Variants in FGD5 observed in about 807,000 individuals in gnomAD.
FGD5 encodes FYVE, RhoGEF and PH domain-containing protein 5.
In FGD5, 28 loss-of-function variants were observed where a neutral mutation model predicts 133.4. The observed-to-expected ratio is 0.21, with a 90% CI of 0.16 to 0.29. The LOEUF (loss-of-function observed/expected upper bound fraction) is 0.29, where lower values mean the gene tolerates loss of function less well. Ranked by LOEUF, FGD5 falls within the 10% of genes least tolerant of loss-of-function variation. FGD5 has a pLI of 1.00. For synonymous variants in FGD5, 810 were observed against 776.5 expected (o/e 1.04, Z -0.72); for missense variants, 1,858 against 1,895.2 (o/e 0.98, Z 0.36).
At chr3:14,817,438 T>G (rs2036387950), upstream of FGD5, among the ~76,000 whole-genome samples, 1 of 152,174 alleles carries the variant, frequency 6.6e-6, no homozygotes, top group African/African-American at 2.4e-5. Flanking sequence ...TCAAGTGATC[T>G]GCCCACCTTA....
At position 14,933,141 on chromosome 3, in the gene FGD5, G is replaced by A. The variant is rs1265717144; in HGVS notation, c.4363G>A (p.Ala1455Thr). 1 of 1,613,474 alleles carries A rather than the reference G, an allele frequency of 6.2e-7. No individual in the cohort carries two copies. Among genetic ancestry groups the A allele is most frequent in the Non-Finnish European group, 8.5e-7 (1 of 1,179,774 alleles). Residue 1455 changes from alanine (A) to threonine (T), a missense_variant, in exon 20 of 20, where the codon GCC (alanine) becomes ACC (threonine). Coordinates refer to ENST00000285046, the MANE Select transcript of FGD5 (RefSeq NM_152536.4). ...DTNSAQRWIE[A>T]MEDASVL is the part of the protein sequence containing the mutation. ...TGTTTTGTTTTATAGGTGGATCGAG[G>A]CCATGGAAGATGCGAGTGTGTTATA...
At chr3:14,901,719 T>C (rs1361649522) in intron 9 of FGD5, among the ~76,000 whole-genome samples, 1 of 152,172 alleles carries the variant, frequency 6.6e-6, no homozygotes, top group Non-Finnish European at 1.5e-5. Flanking sequence ...ATGATGGCCA[T>C]GTGTGCCGAG....
intron 1 of FGD5, among the ~76,000 whole-genome samples, chr3:14,861,130 C>T (rs1475605232): frequency 6.6e-6 from 1 of 152,108 alleles, no homozygotes; most frequent in Non-Finnish European, 1.5e-5. Context: ...GATAGAACAG[C>T]TGGAGGCAGC....
chr3:14,886,941 A>G (rs1046811327), intron 4 of FGD5, among the ~76,000 whole-genome samples: 1 of 152,200 alleles, frequency 6.6e-6, no homozygotes, highest in African/African-American at 2.4e-5. Context: ...AATGTATTTT[A>G]TGGCCCAGCA....
chr3:14,912,616 C>T (rs548468534), intron 11 of FGD5, among the ~76,000 whole-genome samples: 4 of 152,220 alleles, frequency 2.6e-5, no homozygotes, highest in African/African-American at 4.8e-5. Flanking sequence ...CATTCTGCAG[C>T]TTATTATCCA....
Position 14,917,401 on chromosome 3 carries a change from T to TC in FGD5, c.3489+71dup. 1 of 1,431,832 alleles carries TC rather than the reference T, an allele frequency of 7.0e-7. No homozygotes were observed. 88.7% of individuals were successfully genotyped at this position (1,431,832 alleles called of 1,614,324 possible). On this transcript the variant is annotated intron_variant, in intron 12 of 19. Coordinates refer to ENST00000285046, the MANE Select transcript of FGD5 (RefSeq NM_152536.4). The surrounding 1 kb of genome is among the most constrained non-coding windows in gnomAD (Gnocchi z 4.1). ...GACCCCAGGGGAGAAGGGGACAGCA[T>TC]CCTGCTCCCAGGAGCACCCAGACCA...
intron 2 of FGD5, among the ~76,000 whole-genome samples, chr3:14,879,493 G>C (rs537585393): frequency 4.3e-4 from 66 of 152,332 alleles, no homozygotes; most frequent in African/African-American, 1.6e-3. Flanking sequence ...AGATCATATA[G>C]GTGTGGAAGC....
chr3:14,922,226 A>G lies in FGD5; in HGVS notation c.3670-185A>G, dbSNP rs1445197842. ...CCAGCACCCACAGTCTTGTTCTCACAGTCTGGCTGTTTCCCAACCAAGGGT... is the reference window on the plus strand; with the variant it reads ...CCAGCACCCACAGTCTTGTTCTCACGGTCTGGCTGTTTCCCAACCAAGGGT... On this transcript the variant is annotated intron_variant, in intron 14 of 19. Transcript: ENST00000285046. The surrounding 1 kb of genome is among the most constrained non-coding windows in gnomAD (Gnocchi z 4.1). 7.8e-6 allele frequency: 8 copies of G among 1,030,644 alleles called. No individual in the cohort carries two copies. The highest frequency in any genetic ancestry group is 1.6e-5 in the African/African-American group (1 of 62,906). 63.8% of individuals were successfully genotyped at this position (1,030,644 alleles called of 1,614,324 possible).
rs1352771077 is a variant in FGD5, at chr3:14,820,782, T to A, written c.1711T>A (p.Leu571Met). The A allele has an allele frequency of 6.2e-7, 1 of 1,613,518 alleles. No individual in the cohort carries two copies. Among genetic ancestry groups the A allele is most frequent in the Non-Finnish European group, 8.5e-7 (1 of 1,179,770 alleles). The change falls in exon 1 of 20, where the codon TTG (leucine) becomes ATG (methionine). Residue 571 changes from leucine to methionine, a missense_variant. Leu to Met is a conservative substitution (Grantham distance 15). This residue lies in a region of FGD5 where 1,824 missense variants were observed against 1,848.9 expected (regional missense o/e 0.99). Transcript: ENST00000285046. The part of the protein sequence containing the change: ...SVYQEPEGSG[L>M]DDHRIKRKED... ...GTACCAGGAGCCTGAGGGGTCAGGG[T>A]TGGATGACCACAGGATAAAGAGGAA...
intron 11 of FGD5, among the ~76,000 whole-genome samples, chr3:14,915,698 C>T (rs142188220): frequency 0.039 from 5,888 of 152,110 alleles, 144 homozygotes; most frequent in Middle Eastern, 0.079. Context: ...ATGTTGGCAT[C>T]GTGTGTACAG....
intron 4 of FGD5, among the ~76,000 whole-genome samples, chr3:14,889,268 C>T (rs190506118): frequency 1.3e-3 from 194 of 152,290 alleles, no homozygotes; most frequent in Middle Eastern, 0.01. Context: ...TCCTGTCATA[C>T]CCTCCCAAAG....
intron 11 of FGD5, 62 bp downstream of exon 11, chr3:14,910,991 C>A (rs2038437879): frequency 6.0e-6 from 9 of 1,507,632 alleles, no homozygotes; most frequent in Middle Eastern, 1.7e-4. Context: ...TTTTCTAGGG[C>A]CATTATTCAA....
chr3:14,842,788 T>A (rs1262868925), intron 1 of FGD5, among the ~76,000 whole-genome samples: 1 of 152,214 alleles, frequency 6.6e-6, no homozygotes, highest in Non-Finnish European at 1.5e-5. Flanking sequence ...AGCAGGGACT[T>A]GTCTCTCTCC....
chr3:14,885,630 C>G (rs2125122115), intron 4 of FGD5, among the ~76,000 whole-genome samples: 1 of 152,318 alleles, frequency 6.6e-6, no homozygotes, highest in South Asian at 2.1e-4. Flanking sequence ...TGTGGCCACT[C>G]CATGTGGTCT....
In FGD5 at chr3:14,819,746, C is replaced by A; in HGVS notation, c.675C>A (p.Asp225Glu). 1 of 1,537,778 alleles carries A rather than the reference C, an allele frequency of 6.5e-7. No individual in the cohort carries two copies. ...ATGAGGAAGGCTGTGCCAGCACAGA[C>A]CCAGCAGGGGCAGATGAGGGTTCGG... ...EDDEEGCAST[D>E]PAGADEGSGP... The change falls in exon 1 of 20, where the codon GAC becomes GAA. Residue 225 changes from aspartate (D) to glutamate (E), a missense_variant. By Grantham distance (45) the Asp-to-Glu change is conservative. Transcript: ENST00000285046. This position sits in a 1 kb window ranked among gnomAD's most constrained non-coding sequence, Gnocchi z 4.1.
rs1470471375 is a variant in FGD5 at position 14,876,077 on chromosome 3, G to A, written c.2659-4495G>A. On this transcript the variant is annotated intron_variant, in intron 2 of 19. Transcript: ENST00000285046. ...TGTACGCAGAGAGGGGAGGCGACGAGATAGGCATCTTGAGGTTGTTCCTTC... is the reference window on the plus strand; with the variant it reads ...TGTACGCAGAGAGGGGAGGCGACGAAATAGGCATCTTGAGGTTGTTCCTTC... Among the ~76,000 whole-genome samples, 3 of 152,196 alleles carry A rather than the reference G, an allele frequency of 2.0e-5. No homozygotes were observed. The East Asian group carries it at 5.8e-4, about 29-fold the overall frequency.
chr3:14,844,517 A>C (rs1007084163), intron 1 of FGD5, among the ~76,000 whole-genome samples: 1 of 151,548 alleles, frequency 6.6e-6, no homozygotes, highest in Non-Finnish European at 1.5e-5. Flanking sequence ...GACCCGACTG[A>C]CACTGCTGTG....
Position 14,819,103 on chromosome 3 carries a change from C to T in FGD5, c.32C>T (p.Pro11Leu). The T allele has an allele frequency of 6.5e-7, 1 of 1,550,254 alleles. No homozygotes were observed. The highest frequency in any genetic ancestry group is 8.7e-7 in the Non-Finnish European group (1 of 1,146,996). Reference protein sequence around the residue: MFRGPKPPIAPKPRLTAPNEW... With the variant: MFRGPKPPIALKPRLTAPNEW... ...AGGGGTCCGAAGCCCCCCATTGCCCCCAAGCCCAGGCTGACTGCCCCAAAC... is the reference window on the plus strand; with the variant it reads ...AGGGGTCCGAAGCCCCCCATTGCCCTCAAGCCCAGGCTGACTGCCCCAAAC... Residue 11 changes from proline (P) to leucine (L), a missense_variant, in exon 1 of 20, where the codon CCC (proline) becomes CTC (leucine). Physicochemically the swap from Pro to Leu is moderately conservative, Grantham distance 98. Coordinates refer to ENST00000285046, the MANE Select transcript of FGD5 (RefSeq NM_152536.4). The surrounding 1 kb of genome is among the most constrained non-coding windows in gnomAD (Gnocchi z 4.1).
In FGD5 at chr3:14,819,269, C is replaced by G; in HGVS notation, c.198C>G (p.Ile66Met). The G allele has an allele frequency of 6.5e-7, 1 of 1,533,838 alleles. No homozygotes were observed. Among genetic ancestry groups the G allele is most frequent in the Non-Finnish European group, 8.8e-7 (1 of 1,138,214 alleles). ...CSESETDEDY[I>M]VVPRVPLRED... ...AGTCGGAGACCGACGAGGATTACATCGTGGTCCCCAGGGTTCCGCTGAGGG... is the reference window on the plus strand; with the variant it reads ...AGTCGGAGACCGACGAGGATTACATGGTGGTCCCCAGGGTTCCGCTGAGGG... Residue 66 changes from isoleucine (I) to methionine (M), a missense_variant, in exon 1 of 20, where the codon ATC (isoleucine) becomes ATG (methionine). Around this residue, in one of 3 missense-constraint regions of FGD5, gnomAD observed 1,824 missense variants for 1,848.9 expected, o/e 0.99. Coordinates refer to ENST00000285046, the MANE Select transcript of FGD5 (RefSeq NM_152536.4). This position sits in a 1 kb window ranked among gnomAD's most constrained non-coding sequence, Gnocchi z 4.1.
Sources: gnomAD v4.1 joint callset for allele counts (sites outside exome capture counted in the v4.1 genomes callset) on GRCh38, gnomAD v4.1.1 for gene constraint, gnomAD v4.1.1 regional missense constraint, Gnocchi (gnomAD v3.1) non-coding constraint, MANE v1.5 for transcripts, NCBI Gene and HGNC (gene_info 2026-07-23, HGNC 2026-07-21) for gene names.